The following COL22A1 variants were observed in gnomAD, a reference collection of about 807,000 sequenced individuals.
The protein encoded by COL22A1 is collagen alpha-1(XXII) chain.
In COL22A1, 221 loss-of-function variants were observed where a neutral mutation model predicts 248.9. The ratio of observed to expected loss-of-function variants is 0.89; its 90% CI spans 0.80 to 0.99. COL22A1 has a LOEUF of 0.99. Ranked by LOEUF, COL22A1 falls within the 50% of genes least tolerant of loss-of-function variation. The probability of loss-of-function intolerance (pLI) is 0.00; values close to 1 mark genes in which losing one functional copy is unlikely to be tolerated. For synonymous variants in COL22A1, 891 were observed against 793.4 expected, an observed-to-expected ratio of 1.12 and a Z score of -2.07; for missense variants, 2,240 against 2,179.0, an observed-to-expected ratio of 1.03 and a Z score of -0.56.
chr8:138,854,298 A>T (rs1821854378), intron 3 of COL22A1, among the ~76,000 whole-genome samples: 2 of 152,200 alleles, frequency 1.3e-5, no homozygotes, highest in African/African-American at 4.8e-5. Context: ...CTGGATCCTA[A>T]GTAGGCCACA....
chr8:138,676,264 C>T (rs1825496852), intron 41 of COL22A1, among the ~76,000 whole-genome samples: 1 of 148,800 alleles, frequency 6.7e-6, no homozygotes, highest in African/African-American at 2.5e-5. Context: ...GGCGTGGTGG[C>T]AGGCACCTGT....
Position 138,755,841 on chromosome 8 carries a change from C to T in COL22A1, c.1903-12G>A, listed in dbSNP as rs372406782. 3.8e-5 allele frequency: 61 copies of T among 1,613,592 alleles called. No individual in the cohort carries two copies. The highest frequency in any genetic ancestry group is 5.0e-5 in the Non-Finnish European group (59 of 1,179,628). ...GGTCCCACGTCACCCTGCACAGAAACGACAAACATTTCAGCATAGTTACTG... is the reference window on the plus strand; with the variant it reads ...GGTCCCACGTCACCCTGCACAGAAATGACAAACATTTCAGCATAGTTACTG... On this transcript the variant is annotated splice_polypyrimidine_tract_variant and intron_variant, in intron 18 of 64. Transcript: ENST00000303045.
At chr8:138,775,238 A>T (rs1387484483) in intron 16 of COL22A1, among the ~76,000 whole-genome samples, 1 of 152,202 alleles carries the variant, frequency 6.6e-6, no homozygotes, top group Admixed American at 6.5e-5. Context: ...GAGTACACTG[A>T]AAATTCAGCA....
intron 58 of COL22A1, among the ~76,000 whole-genome samples, chr8:138,605,527 A>G (rs776685910): frequency 6.6e-6 from 1 of 152,190 alleles, no homozygotes; most frequent in Non-Finnish European, 1.5e-5. Flanking sequence ...CCTGGGCAGC[A>G]TGGTAGAGAA....
chr8:138,739,615 A>C (rs563740073), intron 22 of COL22A1, among the ~76,000 whole-genome samples: 2 of 152,328 alleles, frequency 1.3e-5, no homozygotes, highest in South Asian at 4.1e-4. Context: ...GTTTGATGCT[A>C]TATACTGTAG....
chr8:138,828,667 G>A (rs180980690), intron 5 of COL22A1, among the ~76,000 whole-genome samples: 4 of 151,790 alleles, frequency 2.6e-5, no homozygotes, highest in East Asian at 1.9e-4. Context: ...TATTAAAGGC[G>A]TGAACCCGGG....
chr8:138,756,399 G>C (rs879626926), intron 18 of COL22A1, among the ~76,000 whole-genome samples: 3 of 152,060 alleles, frequency 2.0e-5, no homozygotes, highest in African/African-American at 7.2e-5. Flanking sequence ...GGGCTATGAC[G>C]GCTGTGGCCT....
At chr8:138,797,367 G>A (rs1586765453) in intron 11 of COL22A1, among the ~76,000 whole-genome samples, 2 of 152,180 alleles carry the variant, frequency 1.3e-5, no homozygotes, top group East Asian at 1.9e-4. Context: ...GGCCTTTTAT[G>A]ATTGGCTTAT....
In COL22A1 at chr8:138,623,789, C is replaced by G. The variant is rs751975348; in HGVS notation, c.3718-4G>C. On this transcript the variant is annotated splice_polypyrimidine_tract_variant and splice_region_variant and intron_variant, in intron 51 of 64. Coordinates refer to ENST00000303045, the MANE Select transcript of COL22A1 (RefSeq NM_152888.3). Reference sequence around the variant, plus strand: ...TGCCCTCTTTGCCTTCTTCTCCCTGCAAGAGAAACTCAAATTGGTTATCAG... The same window carrying G: ...TGCCCTCTTTGCCTTCTTCTCCCTGGAAGAGAAACTCAAATTGGTTATCAG... 6.2e-7 allele frequency: 1 copy of G among 1,612,168 alleles called. No homozygotes were observed.
rs1817762750 is a variant in COL22A1, at chr8:138,598,914, G to A, written c.4186-16C>T. On this transcript the variant is annotated splice_polypyrimidine_tract_variant and intron_variant, in intron 60 of 64. Coordinates refer to ENST00000303045, the MANE Select transcript of COL22A1 (RefSeq NM_152888.3). Reference sequence around the variant, plus strand: ...CAGGATCTCCCTAAGGAGGAAATAAGCATGTCAGCATGTGTCTCAGGGCTG... The same window carrying A: ...CAGGATCTCCCTAAGGAGGAAATAAACATGTCAGCATGTGTCTCAGGGCTG... 1.2e-6 allele frequency: 2 copies of A among 1,613,488 alleles called. No individual in the cohort carries two copies. The highest frequency in any genetic ancestry group is 1.7e-6 in the Non-Finnish European group (2 of 1,179,606).
intron 55 of COL22A1, among the ~76,000 whole-genome samples, chr8:138,614,731 G>A (rs1819176367): frequency 6.7e-6 from 1 of 148,838 alleles, no homozygotes; most frequent in East Asian, 2.1e-4. Flanking sequence ...TTTGGGTGGG[G>A]TTGGGGTGGG....
intron 30 of COL22A1, among the ~76,000 whole-genome samples, chr8:138,706,667 T>C (rs1160759833): frequency 6.6e-6 from 1 of 152,194 alleles, no homozygotes; most frequent in Non-Finnish European, 1.5e-5. Context: ...TAGCACTAAA[T>C]GCCCACAAGA....
At chr8:138,668,724 G>T (rs1405941014) in intron 41 of COL22A1, among the ~76,000 whole-genome samples, 1 of 152,180 alleles carries the variant, frequency 6.6e-6, no homozygotes, top group Non-Finnish European at 1.5e-5. Flanking sequence ...GCTGTGTGCT[G>T]GGGTGGGTGG....
intron 3 of COL22A1, among the ~76,000 whole-genome samples, chr8:138,865,828 T>C (rs1822841969): frequency 6.6e-6 from 1 of 151,460 alleles, no homozygotes; most frequent in South Asian, 2.1e-4. Context: ...CCTGTGTGTG[T>C]GTGTATATGT....
At chr8:138,625,273 C>A (rs1380201902) in intron 51 of COL22A1, among the ~76,000 whole-genome samples, 1 of 152,000 alleles carries the variant, frequency 6.6e-6, no homozygotes, top group African/African-American at 2.4e-5. Flanking sequence ...ATCCTGGTAG[C>A]CTGGGAAGGG....
chr8:138,629,065 T>C (rs1458653277), intron 50 of COL22A1, among the ~76,000 whole-genome samples: 101 of 151,768 alleles, frequency 6.7e-4, no homozygotes, highest in African/African-American at 2.2e-3. Flanking sequence ...CCCACCTTGG[T>C]CTCCCAAAGT....
At chr8:138,680,905 G>C (rs1166081569) in intron 39 of COL22A1, among the ~76,000 whole-genome samples, 1 of 152,206 alleles carries the variant, frequency 6.6e-6, no homozygotes, top group Non-Finnish European at 1.5e-5. Context: ...TTGGCCAAAG[G>C]AGCAGTATGA....
At chr8:138,747,908 G>C (rs1188574471) in intron 22 of COL22A1, among the ~76,000 whole-genome samples, 2 of 152,200 alleles carry the variant, frequency 1.3e-5, no homozygotes, top group Non-Finnish European at 2.9e-5. Flanking sequence ...GAGACTGGTT[G>C]AGAGTCCCCA....
rs1473324894 is a variant in COL22A1, at chr8:138,869,846, C to T, written c.658+7904G>A. On this transcript the variant is annotated intron_variant, in intron 3 of 64. Transcript: ENST00000303045. ...CCAAACCCACAACCCACACTGCTGC[C>T]CATCCCTCCCAGCCTTCGGGTCCAC... Among the ~76,000 whole-genome samples the T allele has an allele frequency of 2.0e-5, 3 of 152,286 alleles. No individual in the cohort carries two copies. The East Asian group carries it at 5.8e-4, about 29-fold the overall frequency.
Sources: gnomAD v4.1 joint callset for allele counts (sites outside exome capture counted in the v4.1 genomes callset) on GRCh38, gnomAD v4.1.1 for gene constraint, MANE v1.5 for transcripts, NCBI Gene and HGNC (gene_info 2026-07-23, HGNC 2026-07-21) for gene names.